The following SLC4A8 variants were observed in gnomAD, a reference collection of about 807,000 sequenced individuals.
SLC4A8 encodes the protein solute carrier family 4 member 8.
SLC4A8 carries 40 observed loss-of-function variants against 125.0 expected under a neutral mutation model. The ratio of observed to expected loss-of-function variants is 0.32; its 90% confidence interval spans 0.25 to 0.42. SLC4A8 has a LOEUF of 0.42. Among genes scored for constraint, SLC4A8 ranks in the 10% least tolerant of loss-of-function variants. The probability of loss-of-function intolerance (pLI) is 1.00; values close to 1 mark genes in which losing one functional copy is unlikely to be tolerated. For synonymous variants in SLC4A8, 456 were observed against 476.0 expected (o/e 0.96, Z 0.55); for missense variants, 863 against 1,355.1 (o/e 0.64, Z 5.70).
At chr12:51,492,114 A>G (rs560236161) in intron 19 of SLC4A8, among the ~76,000 whole-genome samples, 10 of 152,194 alleles carry the variant, frequency 6.6e-5, no homozygotes, top group African/African-American at 2.4e-4. Flanking sequence ...TGTTTTTGGT[A>G]CAGATAGAGG....
chr12:51,474,966 T>A, intron 15 of SLC4A8, 79 bp from the exon 16 acceptor site: 1 of 1,277,254 alleles, frequency 7.8e-7, no homozygotes. Context: ...GGGATGACAA[T>A]GAGTGGTGGA....
At chr12:51,396,925 ATTTT>A (rs753146267) in intron 1 of SLC4A8, among the ~76,000 whole-genome samples, 3 of 106,314 alleles carry the variant, frequency 2.8e-5, no homozygotes, top group Admixed American at 1.2e-4. Context: ...GCCTTAGTTA[ATTTT>A]TTTTTTTTTT....
intron 14 of SLC4A8, among the ~76,000 whole-genome samples, chr12:51,473,545 A>T (rs942309324): frequency 2.0e-5 from 3 of 152,180 alleles, no homozygotes; most frequent in Non-Finnish European, 4.4e-5. Flanking sequence ...AGCTTTTTGA[A>T]TTTTAATTCA....
intron 1 of SLC4A8, among the ~76,000 whole-genome samples, chr12:51,406,362 TG>T (rs1411789305): frequency 2.6e-5 from 4 of 152,222 alleles, no homozygotes; most frequent in African/African-American, 9.6e-5. Flanking sequence ...GCATTATTGA[TG>T]TGGGGTAGAG....
chr12:51,424,708 T>C (rs576624739), upstream of SLC4A8: 18 of 436,184 alleles, frequency 4.1e-5, 1 homozygote, highest in African/African-American at 2.7e-4. Flanking sequence ...CCGGGAGCGG[T>C]TGGCTCCCCG....
chr12:51,452,094 G>A (rs757673394), intron 3 of SLC4A8, 30 bp from the exon 4 acceptor site: 6 of 1,612,320 alleles, frequency 3.7e-6, no homozygotes, highest in African/African-American at 2.7e-5. Flanking sequence ...TGAGGCTAGA[G>A]CAGACCTTTC....
At chr12:51,483,347 T>TCA (rs1418018561) in intron 16 of SLC4A8, among the ~76,000 whole-genome samples, 5 of 127,176 alleles carry the variant, frequency 3.9e-5, no homozygotes, top group African/African-American at 9.0e-5. Context: ...AAAGCTATTC[T>TCA]CACACACAAA....
At chr12:51,498,068 C>CT (rs1003067821) in intron 22 of SLC4A8, among the ~76,000 whole-genome samples, 6 of 150,736 alleles carry the variant, frequency 4.0e-5, no homozygotes, top group African/African-American at 9.7e-5. Flanking sequence ...AAAAAGATGA[C>CT]TTTTTTTTCC....
chr12:51,467,804 T>C (rs1403565513), intron 11 of SLC4A8, among the ~76,000 whole-genome samples: 1 of 152,242 alleles, frequency 6.6e-6, no homozygotes, highest in Non-Finnish European at 1.5e-5. Context: ...TAGATTATTT[T>C]AAACCAAATC....
chr12:51,459,633 G>A (rs1452097418), intron 7 of SLC4A8, among the ~76,000 whole-genome samples: 1 of 152,180 alleles, frequency 6.6e-6, no homozygotes, highest in African/African-American at 2.4e-5. Flanking sequence ...ACTTTTGGAG[G>A]CTGAGGCGGG....
In SLC4A8 at chr12:51,488,715, G is replaced by A. The variant is rs569499259; in HGVS notation, c.2303G>A (p.Arg768His). ...CCCCCTTAGCCAACAAGGGATGATC[G>A]CGGATGGATTATTAATCCCATTGGC... is the stretch of plus-strand genomic sequence containing the variant. ...PSVFKPTRDD[R>H]GWIINPIGPN... Residue 768 changes from arginine (R) to histidine (H), a missense_variant, in exon 18 of 25, where the codon CGC becomes CAC. This residue lies in a region of SLC4A8 where 197 missense variants were observed against 377.7 expected (regional missense o/e 0.52). Transcript: ENST00000453097. 5.6e-6 allele frequency: 9 copies of A among 1,613,318 alleles called. No homozygotes were observed. The highest frequency in any genetic ancestry group is 6.8e-6 in the Non-Finnish European group (8 of 1,179,686).
intron 8 of SLC4A8, 81 bp from the exon 9 acceptor site, chr12:51,461,122 GA>G (rs1053660870): frequency 1.6e-6 from 1 of 623,104 alleles, no homozygotes; most frequent in African/African-American, 1.9e-5. Context: ...ATAAGAGAGA[GA>G]AATCTTATAC....
intron 1 of SLC4A8, among the ~76,000 whole-genome samples, chr12:51,407,100 T>A (rs1369032874): frequency 6.6e-6 from 1 of 152,176 alleles, no homozygotes; most frequent in Non-Finnish European, 1.5e-5. Context: ...AGGGCTGCTC[T>A]CCTCTTCCAA....
At chr12:51,480,459 G>A (rs1014189340) in intron 16 of SLC4A8, 4 of 1,093,564 alleles carry the variant, frequency 3.7e-6, no homozygotes, top group Non-Finnish European at 4.5e-6. Context: ...TTATCAGCTT[G>A]TTAGGAGTCC....
intron 14 of SLC4A8, among the ~76,000 whole-genome samples, chr12:51,471,994 T>C (rs569842377): frequency 2.0e-5 from 3 of 152,224 alleles, no homozygotes; most frequent in Non-Finnish European, 4.4e-5. Flanking sequence ...GGTGAAGATA[T>C]ATTAATCATT....
chr12:51,400,611 CTG>C (rs1948353403), intron 1 of SLC4A8, among the ~76,000 whole-genome samples: 1 of 150,444 alleles, frequency 6.6e-6, no homozygotes, highest in Non-Finnish European at 1.5e-5. Flanking sequence ...CCTCAGGGGT[CTG>C]TGAATCCTTT....
At chr12:51,424,002 C>T (rs1450327976), upstream of SLC4A8, among the ~76,000 whole-genome samples, 1 of 138,210 alleles carries the variant, frequency 7.2e-6, no homozygotes, top group African/African-American at 2.7e-5. Context: ...CGCCATTGCA[C>T]TCCAGCCTGG....
rs911021230 is a variant in SLC4A8 at position 51,411,116 on chromosome 12, A to AT, written c.-112+19637dup. Among the ~76,000 whole-genome samples, 61 of 147,774 alleles carry AT rather than the reference A, an allele frequency of 4.1e-4. 1 individual carries two copies. Among genetic ancestry groups the AT allele is most frequent in the East Asian group, 1.4e-3 (7 of 5,036 alleles). ...TCAGTTCCTTATACAGAGTTGAGCA[A>AT]TTTTTTTTTATCAATGGAGGTTATT... On this transcript the variant is annotated intron_variant, in intron 1 of 24. Transcript: ENST00000358657.
chr12:51,431,749 G>A (rs950207459), intron 1 of SLC4A8, among the ~76,000 whole-genome samples: 5 of 152,176 alleles, frequency 3.3e-5, no homozygotes, highest in East Asian at 1.9e-4. Context: ...AGAGGAAGAT[G>A]GAAGTGAATA....
Sources: allele counts gnomAD v4.1 joint callset (sites outside exome capture counted in the v4.1 genomes callset), GRCh38; gene constraint gnomAD v4.1.1; regional missense constraint gnomAD v4.1.1; transcripts MANE v1.5; gene names NCBI Gene and HGNC (gene_info 2026-07-23, HGNC 2026-07-21).